The following SLC5A11 variants were observed in gnomAD, a reference collection of about 807,000 sequenced individuals.
SLC5A11 encodes solute carrier family 5 member 11.
In SLC5A11, 48 loss-of-function variants were observed where a neutral mutation model predicts 69.8. That is an observed-to-expected ratio of 0.69 (90% confidence interval 0.55 to 0.87). The LOEUF (loss-of-function observed/expected upper bound fraction) is 0.87. Among genes scored for constraint, SLC5A11 ranks in the 40% least tolerant of loss-of-function variants. The pLI, the probability that SLC5A11 is intolerant of heterozygous loss-of-function variation, is 0.00. For synonymous variants in SLC5A11, 319 were observed against 342.4 expected (o/e 0.93, Z 0.75); for missense variants, 784 against 866.1 (o/e 0.91, Z 1.19).
At chr16:24,892,536 G>A (rs1416827341) in intron 9 of SLC5A11, among the ~76,000 whole-genome samples, 4 of 152,048 alleles carry the variant, frequency 2.6e-5, no homozygotes, top group African/African-American at 9.7e-5. Context: ...TAAGAAGAGT[G>A]GATACCTGTG....
chr16:24,862,610 A>G, exon 3 of SLC5A11: 1 of 1,613,030 alleles, frequency 6.2e-7, no homozygotes, highest in Non-Finnish European at 8.5e-7. Flanking sequence ...GTCCACAGTG[A>G]AGACCAAAAG....
intron 3 of SLC5A11, among the ~76,000 whole-genome samples, chr16:24,866,347 C>T (rs1490867792): frequency 2.0e-5 from 3 of 151,324 alleles, no homozygotes; most frequent in Non-Finnish European, 4.4e-5. Flanking sequence ...ACCTGTAATC[C>T]CAGCACTTTG....
rs116885494 is a variant in SLC5A11 at position 24,875,932 on chromosome 16, C to A, written c.477+201C>A. On this transcript the variant is annotated intron_variant, in intron 6 of 15. Coordinates refer to ENST00000347898, the Ensembl canonical transcript of SLC5A11. The stretch of plus-strand genomic sequence containing the variant: ...GAAAATGGTTGGGTGCAGTGGCTCA[C>A]GCCTGTAATCTCAGCACTTTGGGAG... 1.2e-4 allele frequency among the ~76,000 whole-genome samples: 19 copies of A among 152,118 alleles called. No individual in the cohort carries two copies. The East Asian group carries it at 3.5e-3, about 28-fold the overall frequency.
intron 1 of SLC5A11, among the ~76,000 whole-genome samples, chr16:24,854,971 GTGTT>G (rs951364187): frequency 1.5e-3 from 232 of 151,940 alleles, no homozygotes; most frequent in African/African-American, 5.2e-3. Context: ...GTGTGTGTGT[GTGTT>G]TGTTTGTTTG....
intron 13 of SLC5A11, among the ~76,000 whole-genome samples, chr16:24,908,338 C>G (rs1468299539): frequency 6.6e-6 from 1 of 152,050 alleles, no homozygotes; most frequent in African/African-American, 2.4e-5. Flanking sequence ...ATGGCTCACA[C>G]CTGTAATCCC....
At chr16:24,873,074 A>G (rs1355277061) in intron 5 of SLC5A11, among the ~76,000 whole-genome samples, 1 of 124,756 alleles carries the variant, frequency 8.0e-6, no homozygotes, top group Non-Finnish European at 1.7e-5. Flanking sequence ...CAGGAGGTGG[A>G]GTAAAGTAAG....
intron 5 of SLC5A11, among the ~76,000 whole-genome samples, chr16:24,872,450 T>C (rs1292280185): frequency 1.3e-5 from 2 of 152,158 alleles, no homozygotes; most frequent in African/African-American, 4.8e-5. Context: ...AGAAGGCATT[T>C]GGAGGTTGGA....
intron 9 of SLC5A11, 104 bp downstream of exon 10, chr16:24,891,178 G>A (rs535264352): frequency 8.5e-5 from 94 of 1,111,490 alleles, no homozygotes; most frequent in Admixed American, 2.1e-4. Flanking sequence ...TCTCATTTGC[G>A]TTTTCCCTGC....
At chr16:24,905,660 A>G (rs1024032350) in intron 10 of SLC5A11, among the ~76,000 whole-genome samples, 6 of 151,566 alleles carry the variant, frequency 4.0e-5, no homozygotes, top group African/African-American at 7.3e-5. Flanking sequence ...ACACACACAC[A>G]CACACACACA....
exon 5 of SLC5A11, chr16:24,872,205 T>A: frequency 6.2e-7 from 1 of 1,614,098 alleles, no homozygotes; most frequent in East Asian, 2.2e-5. Context: ...CCTACCCATC[T>A]ACATTGCTGG....
intron 1 of SLC5A11, among the ~76,000 whole-genome samples, chr16:24,852,665 C>T (rs761716918): frequency 6.6e-6 from 1 of 152,144 alleles, no homozygotes; most frequent in Non-Finnish European, 1.5e-5. Flanking sequence ...CCGAGTGGGC[C>T]CAGGTACACA....
rs530833181 is a variant in SLC5A11, at chr16:24,864,218, C to T, written c.207+1546C>T. 2.0e-5 allele frequency among the ~76,000 whole-genome samples: 3 copies of T among 152,222 alleles called. No individual in the cohort carries two copies. In the South Asian group the frequency reaches 6.2e-4, roughly 32 times the overall value. ...ATGCTTAGAAAAGTCCCGAGAAAGC[C>T]CTAAGCTCTTGCCTCTGGCTGACCT... On this transcript the variant is annotated intron_variant, in intron 3 of 15. Coordinates refer to ENST00000347898, the Ensembl canonical transcript of SLC5A11.
intron 14 of SLC5A11, among the ~76,000 whole-genome samples, chr16:24,909,643 C>CAAAAAAAAAAAAAAAAAA (rs35334841): frequency 2.0e-5 from 1 of 48,906 alleles, no homozygotes; most frequent in Non-Finnish European, 3.5e-5. Flanking sequence ...CCCTGTCTCA[C>CAAAAAAAAAAAAAAAAAA]AAAAAAAAAA....
chr16:24,884,081 C>T lies in SLC5A11; in HGVS notation c.614C>T (p.Ala205Val), dbSNP rs745731541. Residue 205 changes from alanine (A) to valine (V), a missense_variant, in exon 8 of 16, where the codon GCC becomes GTC. Physicochemically the swap from Ala to Val is moderately conservative, Grantham distance 64. Coordinates refer to ENST00000347898, the Ensembl canonical transcript of SLC5A11. The stretch of plus-strand genomic sequence containing the variant: ...CTGGCTGCTGTGATCTACACGGATG[C>T]CCTGCAGACGCTGATCATGCTTATA... 2.5e-6 allele frequency: 4 copies of T among 1,614,070 alleles called. No individual in the cohort carries two copies. In the East Asian group the frequency reaches 8.9e-5, roughly 36 times the overall value.
At chr16:24,907,106 T>C in exon 12 of SLC5A11, 1 of 1,614,064 alleles carries the variant, frequency 6.2e-7, no homozygotes, top group Non-Finnish European at 8.5e-7. Flanking sequence ...GCCAGCACCA[T>C]CTTCACCATG....
Position 24,849,554 on chromosome 16 carries a change from G to A in SLC5A11, c.-25+3116G>A, listed in dbSNP as rs557638556. 7.6e-5 allele frequency among the ~76,000 whole-genome samples: 9 copies of A among 117,772 alleles called. No individual in the cohort carries two copies. The South Asian group carries it at 2.0e-3, about 27-fold the overall frequency. 77.3% of individuals were successfully genotyped at this position (117,772 alleles called of 152,430 possible). A position where few individuals can be genotyped will look rare whatever the true frequency, so the allele number is the denominator to read the frequency against. On this transcript the variant is annotated intron_variant, in intron 1 of 15. Transcript: ENST00000347898. ...TGCACTCCAGCCTGGGTAACAGAGC[G>A]AGACTCTGCCTTGGGGGCAAAAAAA...
chr16:24,906,552 A>T, intron 10 of SLC5A11, 105 bp from the exon 12 acceptor site: 2 of 579,218 alleles, frequency 3.5e-6, no homozygotes, highest in African/African-American at 1.9e-5. Flanking sequence ...TATTTCATTG[A>T]GCTATAAACT....
At chr16:24,894,454 GC>G (rs2049012804) in intron 9 of SLC5A11, among the ~76,000 whole-genome samples, 1 of 152,188 alleles carries the variant, frequency 6.6e-6, no homozygotes, top group African/African-American at 2.4e-5. Flanking sequence ...TATTCAGGTT[GC>G]ATTTTCATTC....
At chr16:24,873,315 T>C (rs1329099852) in intron 5 of SLC5A11, among the ~76,000 whole-genome samples, 3 of 142,986 alleles carry the variant, frequency 2.1e-5, no homozygotes, top group Non-Finnish European at 4.6e-5. Context: ...ATAAATATAA[T>C]GTACCCTGCA....
Sources: allele counts gnomAD v4.1 joint callset (sites outside exome capture counted in the v4.1 genomes callset), GRCh38; gene constraint gnomAD v4.1.1; transcripts MANE v1.5; gene names NCBI Gene and HGNC (gene_info 2026-07-23, HGNC 2026-07-21).